Variants in MACROD2 observed in about 807,000 individuals in gnomAD.
The protein encoded by MACROD2 is ADP-ribose glycohydrolase MACROD2.
In MACROD2, 36 loss-of-function variants were observed where a neutral mutation model predicts 70.4. The observed-to-expected ratio is 0.51, with a 90% CI of 0.39 to 0.68. The LOEUF (loss-of-function observed/expected upper bound fraction) is 0.68. Among genes scored for constraint, MACROD2 ranks in the 30% least tolerant of loss-of-function variants. The probability of loss-of-function intolerance (pLI) is 0.00; values close to 1 mark genes in which losing one functional copy is unlikely to be tolerated. For synonymous variants in MACROD2, 172 were observed against 178.8 expected (o/e 0.96, Z 0.30); for missense variants, 496 against 538.4 (o/e 0.92, Z 0.78).
intron 5 of MACROD2, among the ~76,000 whole-genome samples, chr20:14,787,883 A>G (rs932705622): frequency 6.6e-6 from 1 of 152,086 alleles, no homozygotes; most frequent in Admixed American, 6.6e-5. Flanking sequence ...TTCTTGGACC[A>G]CAGGATTGGA....
At chr20:16,047,600 C>T (rs2067400821) in intron 17 of MACROD2, among the ~76,000 whole-genome samples, 1 of 152,104 alleles carries the variant, frequency 6.6e-6, no homozygotes, top group African/African-American at 2.4e-5. Flanking sequence ...CCCAGGTTAT[C>T]CTATAGAATG....
intron 5 of MACROD2, among the ~76,000 whole-genome samples, chr20:14,877,726 A>G (rs887840930): frequency 2.6e-5 from 4 of 152,064 alleles, no homozygotes; most frequent in Non-Finnish European, 5.9e-5. Context: ...ATCTATTGAG[A>G]GGATCATATG....
chr20:14,250,880 G>A (rs1024042832), intron 3 of MACROD2, among the ~76,000 whole-genome samples: 1 of 151,988 alleles, frequency 6.6e-6, no homozygotes, highest in African/African-American at 2.4e-5. Context: ...CCTTATTTAA[G>A]CCAGTAATTG....
At position 15,146,913 on chromosome 20, in the gene MACROD2, A is replaced by T. The variant is rs138111943; in HGVS notation, c.419-83027A>T. On this transcript the variant is annotated intron_variant, in intron 5 of 17. Coordinates refer to ENST00000684519, the MANE Select transcript of MACROD2 (RefSeq NM_001351661.2). The stretch of plus-strand genomic sequence containing the variant: ...TGTTTCTGGTTTTGTCATCATGATT[A>T]ATCATTCTGATTTGCAGCCTTACTT... 9.8e-5 allele frequency among the ~76,000 whole-genome samples: 15 copies of T among 152,312 alleles called. No individual in the cohort carries two copies. In the East Asian group the frequency reaches 2.1e-3, roughly 22 times the overall value.
intron 8 of MACROD2, among the ~76,000 whole-genome samples, chr20:15,583,047 GA>G (rs143238061): frequency 1.3e-4 from 19 of 148,620 alleles, no homozygotes; most frequent in South Asian, 2.1e-4. Flanking sequence ...GAGGAGAAGA[GA>G]AAAAAAAAAT....
chr20:14,853,341 A>C (rs2073219863), intron 5 of MACROD2, among the ~76,000 whole-genome samples: 1 of 152,102 alleles, frequency 6.6e-6, no homozygotes, highest in Non-Finnish European at 1.5e-5. Flanking sequence ...ATTCACTAAC[A>C]AAAGGGGTGC....
chr20:15,549,656 C>T (rs1160021148), intron 8 of MACROD2, among the ~76,000 whole-genome samples: 1 of 152,154 alleles, frequency 6.6e-6, no homozygotes, highest in Non-Finnish European at 1.5e-5. Flanking sequence ...TGTCACAATT[C>T]TCCAGATGGT....
At chr20:15,501,058 T>G (rs1463427800) in intron 8 of MACROD2, among the ~76,000 whole-genome samples, 1 of 152,224 alleles carries the variant, frequency 6.6e-6, no homozygotes, top group African/African-American at 2.4e-5. Flanking sequence ...AAAGGTTAAA[T>G]GACATACTCA....
chr20:15,814,540 C>G (rs1266954457), intron 8 of MACROD2, among the ~76,000 whole-genome samples: 2 of 152,210 alleles, frequency 1.3e-5, no homozygotes, highest in Non-Finnish European at 2.9e-5. Context: ...TACTTCACCA[C>G]TCTTTCCATG....
chr20:15,191,541 C>T (rs553466141), intron 5 of MACROD2, among the ~76,000 whole-genome samples: 5 of 152,146 alleles, frequency 3.3e-5, no homozygotes, highest in Non-Finnish European at 7.4e-5. Flanking sequence ...ATCAAAGAAG[C>T]CTGCTCTTTG....
intron 12 of MACROD2, among the ~76,000 whole-genome samples, chr20:15,955,068 G>T (rs2065957819): frequency 6.6e-6 from 1 of 152,166 alleles, no homozygotes; most frequent in Admixed American, 6.6e-5. Context: ...GAGCATCTCT[G>T]CTTGGGGTTG....
At chr20:14,459,273 TA>T (rs1167281902) in intron 3 of MACROD2, among the ~76,000 whole-genome samples, 6 of 151,988 alleles carry the variant, frequency 3.9e-5, no homozygotes, top group African/African-American at 9.7e-5. Flanking sequence ...AAAGGGACTT[TA>T]AAAAATGACA....
intron 5 of MACROD2, among the ~76,000 whole-genome samples, chr20:15,075,460 G>A (rs1005930856): frequency 5.3e-5 from 8 of 152,002 alleles, no homozygotes; most frequent in African/African-American, 1.2e-4. Flanking sequence ...AGTTATTATC[G>A]TGCCTAACAG....
Position 14,071,252 on chromosome 20 carries a change from G to GTTTTTTTTT in MACROD2, c.164-14351_164-14343dup, listed in dbSNP as rs59052053. Among the ~76,000 whole-genome samples the GTTTTTTTTT allele has an allele frequency of 3.0e-3, 193 of 63,940 alleles. 52 individuals are homozygous for GTTTTTTTTT. Among genetic ancestry groups the GTTTTTTTTT allele is most frequent in the East Asian group, 4.9e-3 (9 of 1,820 alleles). 41.9% of individuals were successfully genotyped at this position (63,940 alleles called of 152,430 possible). A position where few individuals can be genotyped will look rare whatever the true frequency, so the allele number is the denominator to read the frequency against. On this transcript the variant is annotated intron_variant, in intron 2 of 17. Coordinates refer to ENST00000684519, the MANE Select transcript of MACROD2 (RefSeq NM_001351661.2). The stretch of plus-strand genomic sequence containing the variant: ...GACAGTATTGGCCATTTCATCTTGT[G>GTTTTTTTTT]TTTTTTTTTTTTTTTTTTTTTTTTT...
chr20:14,140,816 C>T (rs73255017), intron 3 of MACROD2, among the ~76,000 whole-genome samples: 2,232 of 152,210 alleles, frequency 0.015, 53 homozygotes, highest in African/African-American at 0.051. Context: ...TCAGTGGTAT[C>T]GGCCGAGAGA....
intron 8 of MACROD2, among the ~76,000 whole-genome samples, chr20:15,609,170 T>C (rs571067656): frequency 3.7e-4 from 56 of 152,272 alleles, no homozygotes; most frequent in African/African-American, 1.3e-3. Context: ...CCAGGTGCTC[T>C]GGGATGGAGC....
rs76982959 is a variant in MACROD2 at position 15,422,256 on chromosome 20, G to A, written c.541-9149G>A. On this transcript the variant is annotated intron_variant, in intron 6 of 17. Coordinates refer to ENST00000684519, the MANE Select transcript of MACROD2 (RefSeq NM_001351661.2). ...TCTTTAAAATGTAAATGAATGCAGC[G>A]GAAGGATTCTCACTCTACTCTTGGC... Among the ~76,000 whole-genome samples, 21 of 152,208 alleles carry A rather than the reference G, an allele frequency of 1.4e-4. No individual in the cohort carries two copies. In the East Asian group the frequency reaches 3.1e-3, roughly 22 times the overall value.
chr20:15,577,461 A>C (rs1162043328), intron 8 of MACROD2, among the ~76,000 whole-genome samples: 2 of 152,196 alleles, frequency 1.3e-5, no homozygotes, highest in African/African-American at 4.8e-5. Flanking sequence ...CAGCTAAAAA[A>C]CATTAATAAC....
chr20:14,633,380 G>A (rs1984618274), intron 4 of MACROD2, among the ~76,000 whole-genome samples: 1 of 152,058 alleles, frequency 6.6e-6, no homozygotes, highest in Admixed American at 6.6e-5. Context: ...GCCTACTCTG[G>A]TAATCTTTAT....
Sources: gnomAD v4.1 joint callset for allele counts (sites outside exome capture counted in the v4.1 genomes callset) on GRCh38, gnomAD v4.1.1 for gene constraint, MANE v1.5 for transcripts, NCBI Gene and HGNC (gene_info 2026-07-23, HGNC 2026-07-21) for gene names.